NUF2: variants seen among roughly 807,000 people sequenced by gnomAD.
NUF2 encodes kinetochore protein Nuf2.
NUF2 carries 34 observed loss-of-function variants against 61.8 expected under a neutral mutation model. The observed-to-expected ratio is 0.55, with a 90% CI of 0.42 to 0.73. The LOEUF is 0.73. Among genes scored for constraint, NUF2 ranks in the 30% least tolerant of loss-of-function variants. NUF2 has a pLI of 0.00. For synonymous variants in NUF2, 172 were observed against 181.6 expected (o/e 0.95, Z 0.42); for missense variants, 445 against 539.1 (o/e 0.83, Z 1.73).
rs1348797372 is a variant in NUF2, at chr1:163,345,807, A to G, written c.937A>G (p.Ile313Val). The G allele has an allele frequency of 2.0e-5, 32 of 1,601,198 alleles. No individual in the cohort carries two copies. Among genetic ancestry groups the G allele is most frequent in the Non-Finnish European group, 2.6e-5 (31 of 1,170,842 alleles). ...AGATAATAGGGAAAAATTAGCCAGTATCTTAAAGGAGGTTTGTATTGTATG... is the reference window on the plus strand; with the variant it reads ...AGATAATAGGGAAAAATTAGCCAGTGTCTTAAAGGAGGTTTGTATTGTATG... The part of the protein sequence containing the change: ...LSDNREKLAS[I>V]LKESLNLEDQ... Residue 313 changes from isoleucine to valine, a missense_variant, in exon 11 of 14, where the codon ATC becomes GTC. By Grantham distance (29) the Ile-to-Val change is conservative. Coordinates refer to ENST00000271452, the MANE Select transcript of NUF2 (RefSeq NM_145697.3).
chr1:163,347,776 A>G lies in NUF2; in HGVS notation c.962A>G (p.Glu321Gly). The change falls in exon 12 of 14, where the codon GAG (glutamate) becomes GGG (glycine). Residue 321 changes from glutamate (E) to glycine (G), a missense_variant. By Grantham distance (98) the Glu-to-Gly change is moderately conservative. Transcript: ENST00000271452. ...TATAAAATACAGAGCCTGAACTTGGAGGACCAAATTGAGAGTGATGAGTCA... is the reference window on the plus strand; with the variant it reads ...TATAAAATACAGAGCCTGAACTTGGGGGACCAAATTGAGAGTGATGAGTCA... ...ASILKESLNL[E>G]DQIESDESEL... 1 of 1,568,558 alleles carries G rather than the reference A, an allele frequency of 6.4e-7. No individual in the cohort carries two copies. Among genetic ancestry groups the G allele is most frequent in the Non-Finnish European group, 8.6e-7 (1 of 1,160,700 alleles).
At chr1:163,343,406 T>C (rs1240322940) in intron 9 of NUF2, among the ~76,000 whole-genome samples, 1 of 152,140 alleles carries the variant, frequency 6.6e-6, no homozygotes, top group Non-Finnish European at 1.5e-5. Context: ...AGGACCCTAC[T>C]GGTCAAAGAA....
At chr1:163,331,209 C>A (rs1262283049) in intron 5 of NUF2, among the ~76,000 whole-genome samples, 1 of 151,696 alleles carries the variant, frequency 6.6e-6, no homozygotes, top group Non-Finnish European at 1.5e-5. Flanking sequence ...ACAACTTTTA[C>A]TTTATTTCAC....
intron 11 of NUF2, among the ~76,000 whole-genome samples, chr1:163,347,532 A>G (rs2292272): frequency 0.42 from 63,225 of 151,974 alleles, 13,541 homozygotes; most frequent in South Asian, 0.59. Context: ...TTCAGTCTGT[A>G]CTGATAGAAA....
intron 13 of NUF2, among the ~76,000 whole-genome samples, chr1:163,352,880 T>A (rs972504646): frequency 6.6e-5 from 10 of 150,856 alleles, no homozygotes; most frequent in South Asian, 2.1e-4. Flanking sequence ...AAAAAAAAAA[T>A]ATTCTATCTA....
At chr1:163,341,660 CTT>C (rs1369115466) in intron 9 of NUF2, among the ~76,000 whole-genome samples, 1 of 152,008 alleles carries the variant, frequency 6.6e-6, no homozygotes, top group Admixed American at 6.6e-5. Context: ...GAGTCTCACT[CTT>C]TTGCCCAGGT....
At chr1:163,345,980 T>C in intron 11 of NUF2, 162 bp downstream of exon 11, 1 of 487,796 alleles carries the variant, frequency 2.1e-6, no homozygotes, top group Admixed American at 3.9e-5. Flanking sequence ...CACTTTTCTT[T>C]TTAAACATAG....
chr1:163,327,504 T>C lies in NUF2; in HGVS notation c.140T>C (p.Met47Thr). The C allele has an allele frequency of 6.2e-7, 1 of 1,611,208 alleles. No homozygotes were observed. The change falls in exon 3 of 14, where the codon ATG becomes ACG. Residue 47 changes from methionine (M) to threonine (T), a missense_variant. Met to Thr is a moderately conservative substitution (Grantham distance 81). Transcript: ENST00000271452. Reference sequence around the variant, plus strand: ...TTGCTGTAGCCTGAAGTCTTGCACATGATCTACATGAGAGCCTTACAAATA... The same window carrying C: ...TTGCTGTAGCCTGAAGTCTTGCACACGATCTACATGAGAGCCTTACAAATA... ...YPNPKPEVLH[M>T]IYMRALQIVY...
Position 163,343,548 on chromosome 1 carries a change from C to T in NUF2, c.670-185C>T, listed in dbSNP as rs150194389. 2.0e-4 allele frequency among the ~76,000 whole-genome samples: 30 copies of T among 152,218 alleles called. No individual in the cohort carries two copies. In the East Asian group the frequency reaches 4.3e-3, roughly 22 times the overall value. ...GTAATGAAAGGCTTTGAATGTCCTG[C>T]TAAGGAGCTTGATCTTTGGCCTATA... On this transcript the variant is annotated intron_variant, in intron 9 of 13. Transcript: ENST00000271452.
intron 1 of NUF2, chr1:163,323,205 A>G (rs534675118): frequency 6.6e-6 from 1 of 152,306 alleles, no homozygotes; most frequent in African/African-American, 2.4e-5. Context: ...GGAACAAGTG[A>G]TAATAATTAT....
chr1:163,353,534 T>C (rs748346577), intron 13 of NUF2, among the ~76,000 whole-genome samples: 6 of 152,288 alleles, frequency 3.9e-5, no homozygotes, highest in Non-Finnish European at 8.8e-5. Flanking sequence ...TTTTATTAAA[T>C]TTAAATAGTA....
intron 5 of NUF2, among the ~76,000 whole-genome samples, chr1:163,336,222 T>G (rs1650752040): frequency 1.3e-5 from 2 of 152,190 alleles, no homozygotes; most frequent in Admixed American, 1.3e-4. Flanking sequence ...TCCAGAACTC[T>G]TTCTCTTTAC....
intron 10 of NUF2, among the ~76,000 whole-genome samples, chr1:163,345,138 A>G (rs1410288812): frequency 1.3e-5 from 2 of 152,164 alleles, no homozygotes; most frequent in Non-Finnish European, 2.9e-5. Flanking sequence ...GTATTTTACA[A>G]ATTAGTAAGA....
intron 6 of NUF2, 126 bp from the exon 7 acceptor site, chr1:163,337,894 T>C: frequency 3.0e-6 from 2 of 670,578 alleles, no homozygotes; most frequent in South Asian, 3.8e-5. Context: ...TCATTTGTCA[T>C]GAAGGCCTAA....
At chr1:163,342,606 C>G (rs1650982133) in intron 9 of NUF2, among the ~76,000 whole-genome samples, 1 of 152,022 alleles carries the variant, frequency 6.6e-6, no homozygotes, top group African/African-American at 2.4e-5. Flanking sequence ...AATTACACAA[C>G]ACAGTAATAC....
chr1:163,348,001 C>T lies in NUF2; in HGVS notation c.1124+63C>T, dbSNP rs1471838916. The T allele has an allele frequency of 4.5e-6, 5 of 1,122,666 alleles. No homozygotes were observed. In the East Asian group the frequency reaches 9.9e-5, roughly 22 times the overall value. 69.5% of individuals were successfully genotyped at this position (1,122,666 alleles called of 1,614,324 possible). A position where few individuals can be genotyped will look rare whatever the true frequency, so the allele number is the denominator to read the frequency against. Reference sequence around the variant, plus strand: ...AATTATGAAAAACAAATACATTTTTCCCCCAGGATTTCAAAACCTCGGTAT... The same window carrying T: ...AATTATGAAAAACAAATACATTTTTTCCCCAGGATTTCAAAACCTCGGTAT... On this transcript the variant is annotated intron_variant, in intron 12 of 13. Transcript: ENST00000271452.
At position 163,339,495 on chromosome 1, in the gene NUF2, C is replaced by T. The variant is rs550955719; in HGVS notation, c.606+18C>T. 34 of 1,504,390 alleles carry T rather than the reference C, an allele frequency of 2.3e-5. No individual in the cohort carries two copies. The highest frequency in any genetic ancestry group is 9.1e-5 in the South Asian group (8 of 87,610). The allele number at this position is 1,504,390 out of a possible 1,614,324, so 93.2% of individuals were successfully genotyped here. ...AAAAAACGGTATCTGTTGTGAGGCA[C>T]CTTAAACTTTAAAAAACAAAATTTG... On this transcript the variant is annotated intron_variant, in intron 8 of 13. Coordinates refer to ENST00000271452, the MANE Select transcript of NUF2 (RefSeq NM_145697.3).
intron 9 of NUF2, among the ~76,000 whole-genome samples, 168 bp downstream of exon 9, chr1:163,340,594 C>T (rs949242199): frequency 6.6e-6 from 1 of 151,980 alleles, no homozygotes; most frequent in African/African-American, 2.4e-5. Context: ...TAAAAAATAT[C>T]GAAACACAGA....
At chr1:163,330,026 G>A (rs1024036813) in intron 5 of NUF2, among the ~76,000 whole-genome samples, 1 of 152,168 alleles carries the variant, frequency 6.6e-6, no homozygotes. Flanking sequence ...GGAAACCACT[G>A]GTTAGGGGTG....
Sources: gnomAD v4.1 joint callset for allele counts (sites outside exome capture counted in the v4.1 genomes callset) on GRCh38, gnomAD v4.1.1 for gene constraint, MANE v1.5 for transcripts, NCBI Gene and HGNC (gene_info 2026-07-23, HGNC 2026-07-21) for gene names.